Variants in HERC2 observed in about 807,000 individuals in gnomAD.
The protein encoded by HERC2 is HECT and RLD domain containing E3 ubiquitin protein ligase 2, also known as E3 ubiquitin-protein ligase HERC2.
HERC2 carries 102 observed loss-of-function variants against 537.7 expected under a neutral mutation model. The ratio of observed to expected loss-of-function variants is 0.19; its 90% CI spans 0.16 to 0.22. The LOEUF is 0.22. Among genes scored for constraint, HERC2 ranks in the 10% least tolerant of loss-of-function variants. HERC2 has a pLI of 1.00. For missense variants in HERC2, 4,236 were observed against 6,198.2 expected, an observed-to-expected ratio of 0.68 and a Z score of 10.63; for synonymous variants, 2,224 against 2,466.2, an observed-to-expected ratio of 0.90 and a Z score of 2.91.
chr15:28,209,344 TATTTA>T (rs1898853296), intron 44 of HERC2, among the ~76,000 whole-genome samples: 1 of 151,566 alleles, frequency 6.6e-6, no homozygotes, highest in South Asian at 2.1e-4. Flanking sequence ...ATTTTATTTT[TATTTA>T]TTTATTTTTT....
intron 79 of HERC2, among the ~76,000 whole-genome samples, chr15:28,134,801 G>A (rs1217119352): frequency 6.7e-6 from 1 of 150,098 alleles, no homozygotes; most frequent in Non-Finnish European, 1.5e-5. Flanking sequence ...CTCCCGAGAA[G>A]CTGGGACTAC....
intron 15 of HERC2, among the ~76,000 whole-genome samples, chr15:28,262,271 C>T (rs1180062375): frequency 6.6e-6 from 1 of 152,118 alleles, no homozygotes; most frequent in Non-Finnish European, 1.5e-5. Context: ...ATGGCCCCCA[C>T]CCCAACTTCC....
intron 2 of HERC2, among the ~76,000 whole-genome samples, chr15:28,311,367 G>C (rs1216820200): frequency 4.1e-3 from 622 of 150,284 alleles, no homozygotes; most frequent in African/African-American, 0.015. Context: ...AGGGGGCTGA[G>C]GTGGGAGGAT....
At chr15:28,236,135 C>T (rs1902416873) in intron 26 of HERC2, among the ~76,000 whole-genome samples, 4 of 151,818 alleles carry the variant, frequency 2.6e-5, no homozygotes. Flanking sequence ...TACGTGAGAC[C>T]ACCACAGGGT....
In HERC2 at chr15:28,265,602, C is replaced by T; in HGVS notation, c.1870+16G>A. 1 of 1,606,926 alleles carries T rather than the reference C, an allele frequency of 6.2e-7. No homozygotes were observed. The highest frequency in any genetic ancestry group is 1.1e-5 in the South Asian group (1 of 90,858). On this transcript the variant is annotated intron_variant, in intron 14 of 92. Transcript: ENST00000261609. The surrounding 1 kb of genome is among the most constrained non-coding windows in gnomAD (Gnocchi z 4.0). The stretch of plus-strand genomic sequence containing the variant: ...GTCCTCGTGGGCCTGTCCAGGGTGG[C>T]GAGAGCTCTACGTACCGTTCTCAGT...
At chr15:28,243,374 A>G (rs577229201) in intron 23 of HERC2, among the ~76,000 whole-genome samples, 1 of 152,360 alleles carries the variant, frequency 6.6e-6, no homozygotes, top group African/African-American at 2.4e-5. Context: ...AACAACCATT[A>G]AAACAGAAAC....
intron 23 of HERC2, among the ~76,000 whole-genome samples, chr15:28,244,008 T>C (rs775653929): frequency 6.6e-6 from 1 of 152,110 alleles, no homozygotes; most frequent in African/African-American, 2.4e-5. Flanking sequence ...AGACCGTGTC[T>C]CTACAAAAAA....
intron 2 of HERC2, among the ~76,000 whole-genome samples, chr15:28,299,817 C>T (rs1188907444): frequency 6.6e-6 from 1 of 152,002 alleles, no homozygotes; most frequent in Non-Finnish European, 1.5e-5. Flanking sequence ...TTTGGGAGGC[C>T]GAGCGGGGCA....
chr15:28,273,313 C>T (rs2075790164), intron 7 of HERC2: 4 of 433,956 alleles, frequency 9.2e-6, no homozygotes, highest in Non-Finnish European at 1.7e-5. Flanking sequence ...GAATATCTAG[C>T]TATCTTTTCC....
In HERC2 at chr15:28,121,440, T is replaced by C. The variant is rs755431466; in HGVS notation, c.13189-11A>G. ...CCGGAAAGCCGCCTCCTAAAACACA[T>C]CAAACAGACAAAATTTAGAATCTGA... On this transcript the variant is annotated splice_polypyrimidine_tract_variant and intron_variant, in intron 85 of 92. Coordinates refer to ENST00000261609, the MANE Select transcript of HERC2 (RefSeq NM_004667.6). 5.9e-5 allele frequency: 94 copies of C among 1,605,598 alleles called. No individual in the cohort carries two copies. The highest frequency in any genetic ancestry group is 7.3e-5 in the Non-Finnish European group (86 of 1,172,386).
intron 63 of HERC2, 37 bp from the exon 64 acceptor site, chr15:28,175,693 T>G (rs1440705253): frequency 1.2e-6 from 2 of 1,610,024 alleles, no homozygotes; most frequent in African/African-American, 2.7e-5. Flanking sequence ...TACAATACGG[T>G]TATGGTCTGA....
intron 28 of HERC2, 27 bp downstream of exon 28, chr15:28,233,637 A>T: frequency 1.2e-6 from 2 of 1,612,628 alleles, no homozygotes; most frequent in Non-Finnish European, 1.7e-6. Context: ...CAGTGTACCT[A>T]AAGTACACAG....
intron 84 of HERC2, 151 bp downstream of exon 84, chr15:28,124,855 T>C (rs1262276733): frequency 1.4e-5 from 11 of 811,270 alleles, no homozygotes; most frequent in Non-Finnish European, 2.0e-5. Flanking sequence ...CAGCCAAATA[T>C]CAAGGTTCTT....
chr15:28,275,373 G>A (rs561936385), intron 5 of HERC2, among the ~76,000 whole-genome samples: 1 of 152,228 alleles, frequency 6.6e-6, no homozygotes, highest in Admixed American at 6.5e-5. Flanking sequence ...AGAGCTGGAA[G>A]AAGAGCAGCA....
chr15:28,122,487 C>T lies in HERC2; in HGVS notation c.13189-1058G>A, dbSNP rs537847602. Among the ~76,000 whole-genome samples, 276 of 152,298 alleles carry T rather than the reference C, an allele frequency of 1.8e-3. 1 individual carries two copies. Among genetic ancestry groups the T allele is most frequent in the African/African-American group, 6.3e-3 (260 of 41,580 alleles). ...AGGGCCCCAAGCGCCAGAGGAGACC[C>T]AGAAAGGGTATCCTGGCGGCACCCC... On this transcript the variant is annotated intron_variant, in intron 85 of 92. Transcript: ENST00000261609. The surrounding 1 kb of genome is among the most constrained non-coding windows in gnomAD (Gnocchi z 4.1).
chr15:28,233,796 C>T lies in HERC2; in HGVS notation c.4219G>A (p.Asp1407Asn), dbSNP rs770270800. The change falls in exon 28 of 93, where the codon GAC (aspartate) becomes AAC (asparagine). Residue 1407 changes from aspartate to asparagine, a missense_variant and splice_region_variant. Asp to Asn is a conservative substitution (Grantham distance 23). Transcript: ENST00000261609. ...DNNIQDHNVK[D>N]FLCQIERYCR... Reference sequence around the variant, plus strand: ...TACCTTTCTATTTGACACAAAAAGTCCTGCAACAGAAACAGCTGGAAGTAA... The same window carrying T: ...TACCTTTCTATTTGACACAAAAAGTTCTGCAACAGAAACAGCTGGAAGTAA... 6.2e-7 allele frequency: 1 copy of T among 1,612,082 alleles called. No homozygotes were observed. Among genetic ancestry groups the T allele is most frequent in the Admixed American group, 1.7e-5 (1 of 59,996 alleles).
intron 4 of HERC2, among the ~76,000 whole-genome samples, chr15:28,282,317 T>C (rs761087144): frequency 2.6e-5 from 4 of 152,022 alleles, no homozygotes; most frequent in Admixed American, 6.6e-5. Context: ...ACCAGGAAGA[T>C]CTAAAACCAA....
intron 21 of HERC2, 71 bp downstream of exon 21, chr15:28,248,481 G>T (rs1296231777): frequency 8.8e-7 from 1 of 1,142,364 alleles, no homozygotes; most frequent in Non-Finnish European, 1.3e-6. Flanking sequence ...ATATAGGATG[G>T]ACACGTCGAA....
At chr15:28,159,374 CAA>C (rs1441780120) in intron 69 of HERC2, among the ~76,000 whole-genome samples, 1 of 152,188 alleles carries the variant, frequency 6.6e-6, no homozygotes, top group Non-Finnish European at 1.5e-5. Context: ...TCAGGTGCAC[CAA>C]TCAGTCATAG....
Sources: gnomAD v4.1 joint callset for allele counts (sites outside exome capture counted in the v4.1 genomes callset) on GRCh38, gnomAD v4.1.1 for gene constraint, Gnocchi (gnomAD v3.1) non-coding constraint, MANE v1.5 for transcripts, NCBI Gene and HGNC (gene_info 2026-07-23, HGNC 2026-07-21) for gene names.